BAHCC1: variants seen among roughly 807,000 people sequenced by gnomAD.
BAHCC1 encodes the protein BAH and coiled-coil domain-containing protein 1.
In BAHCC1, 43 loss-of-function variants were observed where a neutral mutation model predicts 88.2. The ratio of observed to expected loss-of-function variants is 0.49; its 90% CI spans 0.38 to 0.63. The LOEUF is 0.63. Among genes scored for constraint, BAHCC1 ranks in the 20% least tolerant of loss-of-function variants. The pLI is 0.00. For synonymous variants in BAHCC1, 1,510 were observed against 745.5 expected, an observed-to-expected ratio of 2.03 and a Z score of -16.71; for missense variants, 3,023 against 1,654.8, an observed-to-expected ratio of 1.83 and a Z score of -14.34.
rs1555652644 is a variant in BAHCC1, at chr17:81,442,076, G to A, written c.727G>A (p.Glu243Lys). ...GGGCAAGGAGCGGCCAGCGGCAGAGGAGGACGGTGGCAAGGAGCGGCACAA... is the reference window on the plus strand; with the variant it reads ...GGGCAAGGAGCGGCCAGCGGCAGAGAAGGACGGTGGCAAGGAGCGGCACAA... ...AEGKERPAAE[E>K]DGGKERHKLV... Residue 243 changes from glutamate (E) to lysine (K), a missense_variant, in exon 5 of 28, where the codon GAG becomes AAG. Transcript: ENST00000675386. 1 of 710,514 alleles carries A rather than the reference G, an allele frequency of 1.4e-6. No individual in the cohort carries two copies. Among genetic ancestry groups the A allele is most frequent in the South Asian group, 1.5e-5 (1 of 66,828 alleles). 44.0% of individuals were successfully genotyped at this position (710,514 alleles called of 1,614,324 possible).
At chr17:81,438,113 A>T (rs2064360762) in intron 3 of BAHCC1, among the ~76,000 whole-genome samples, 1 of 152,234 alleles carries the variant, frequency 6.6e-6, no homozygotes. Context: ...AGGAGGGAAC[A>T]GAGGCCCCCT....
rs782691340 is a variant in BAHCC1, at chr17:81,458,280, G to A, written c.5157G>A (p.Leu1719=). ...RAPGQRPPGA[L]GKKKAKGKAK... is the part of the protein sequence containing the mutation. ...CAGGGCAGAGGCCCCCAGGTGCGCTGGGCAAGAAGAAAGCCAAGGGCAAGG... is the reference window on the plus strand; with the variant it reads ...CAGGGCAGAGGCCCCCAGGTGCGCTAGGCAAGAAGAAAGCCAAGGGCAAGG... The change falls in exon 18 of 28, where the codon CTG becomes CTA. Residue 1719 remains leucine (L), a synonymous_variant. Coordinates refer to ENST00000675386, the MANE Select transcript of BAHCC1 (RefSeq NM_001377448.1). 6.7e-6 allele frequency: 5 copies of A among 749,048 alleles called. No homozygotes were observed. The highest frequency in any genetic ancestry group is 5.7e-5 in the South Asian group (4 of 70,038). 46.4% of individuals were successfully genotyped at this position (749,048 alleles called of 1,614,324 possible). A position where few individuals can be genotyped will look rare whatever the true frequency, so the allele number is the denominator to read the frequency against.
At chr17:81,396,377 C>T (rs1452686080) in intron 1 of BAHCC1, 3 of 152,070 alleles carry the variant, frequency 2.0e-5, no homozygotes, top group Admixed American at 6.5e-5. Context: ...GGACGGCGCG[C>T]GGGGCTCGGG....
intron 2 of BAHCC1, among the ~76,000 whole-genome samples, chr17:81,420,166 AC>A (rs1266870644): frequency 6.6e-6 from 1 of 151,974 alleles, no homozygotes; most frequent in Non-Finnish European, 1.5e-5. Flanking sequence ...CATGCTCTGT[AC>A]CCCTCAGGCT....
chr17:81,443,988 G>A (rs540152693), intron 6 of BAHCC1, 71 bp downstream of exon 6: 22 of 689,516 alleles, frequency 3.2e-5, no homozygotes, highest in Non-Finnish European at 5.6e-5. Context: ...TCAGAGCCAC[G>A]TGGAGAAAGA....
chr17:81,460,527 C>T lies in BAHCC1; in HGVS notation c.6026-3C>T, dbSNP rs2030156105. 1.3e-6 allele frequency: 1 copy of T among 744,316 alleles called. No homozygotes were observed. Among genetic ancestry groups the T allele is most frequent in the South Asian group, 1.5e-5 (1 of 68,716 alleles). The allele number at this position is 744,316 out of a possible 1,614,324, so 46.1% of individuals were successfully genotyped here. A position where few individuals can be genotyped will look rare whatever the true frequency, so the allele number is the denominator to read the frequency against. On this transcript the variant is annotated splice_region_variant and splice_polypyrimidine_tract_variant and intron_variant, in intron 24 of 27. Coordinates refer to ENST00000675386, the MANE Select transcript of BAHCC1 (RefSeq NM_001377448.1). ...TGAAGCCCTTGGCCCATGCTATCCA[C>T]AGGCACAGAGCCCTCTCCAGCCCTG...
chr17:81,442,582 C>T lies in BAHCC1; in HGVS notation c.1233C>T (p.Ala411=), dbSNP rs782120544. ...LADKGRPFQA[A]EACAVAGEGK... is the part of the protein sequence containing the mutation. ...ACAAGGGCCGCCCCTTCCAGGCCGC[C>T]GAGGCCTGTGCCGTGGCAGGGGAGG... Residue 411 remains alanine, a synonymous_variant, in exon 5 of 28, where the codon GCC becomes GCT. Transcript: ENST00000675386. The T allele has an allele frequency of 1.3e-5, 10 of 769,882 alleles. No homozygotes were observed. The highest frequency in any genetic ancestry group is 1.2e-4 in the East Asian group (5 of 41,026). 47.7% of individuals were successfully genotyped at this position (769,882 alleles called of 1,614,324 possible). A position where few individuals can be genotyped will look rare whatever the true frequency, so the allele number is the denominator to read the frequency against.
At chr17:81,433,385 G>C (rs2064292011) in intron 3 of BAHCC1, among the ~76,000 whole-genome samples, 1 of 152,180 alleles carries the variant, frequency 6.6e-6, no homozygotes, top group African/African-American at 2.4e-5. Flanking sequence ...TCCGGCCCTA[G>C]AGTGGGAGTG....
chr17:81,440,511 T>C (rs180981148), intron 4 of BAHCC1, among the ~76,000 whole-genome samples: 4 of 152,330 alleles, frequency 2.6e-5, no homozygotes, highest in Admixed American at 2.6e-4. Flanking sequence ...AATGTTTCTT[T>C]TGTTTCTCCC....
chr17:81,443,120 G>A lies in BAHCC1; in HGVS notation c.1771G>A (p.Gly591Ser), dbSNP rs782153136. 3.9e-5 allele frequency: 30 copies of A among 777,814 alleles called. No homozygotes were observed. The East Asian group carries it at 7.0e-4, about 18-fold the overall frequency. The allele number at this position is 777,814 out of a possible 1,614,324, so 48.2% of individuals were successfully genotyped here. The part of the protein sequence containing the change: ...LPPWGVQAGQ[G>S]TAMAISEERK... ...CCCATGGGGTGTCCAGGCAGGCCAG[G>A]GCACCGCCATGGCCATCAGCGAGGA... Residue 591 changes from glycine (G) to serine (S), a missense_variant, in exon 5 of 28, where the codon GGC becomes AGC. By Grantham distance (56) the Gly-to-Ser change is moderately conservative. Transcript: ENST00000675386.
rs1032176005 is a variant in BAHCC1, at chr17:81,445,032, G to C, written c.2689G>C (p.Ala897Pro). ...PHALADVMDQ[A>P]SLWPPMYGGR... ...GCCCACAGCGGATGTCATGGACCAGGCGTCACTGTGGCCCCCCATGTACGG... is the reference window on the plus strand; with the variant it reads ...GCCCACAGCGGATGTCATGGACCAGCCGTCACTGTGGCCCCCCATGTACGG... The change falls in exon 9 of 28, where the codon GCG (alanine) becomes CCG (proline). Residue 897 changes from alanine to proline, a missense_variant. Physicochemically the swap from Ala to Pro is conservative, Grantham distance 27. Transcript: ENST00000675386. 8 of 764,416 alleles carry C rather than the reference G, an allele frequency of 1.0e-5. No individual in the cohort carries two copies. The highest frequency in any genetic ancestry group is 2.4e-6 in the Non-Finnish European group (1 of 412,846). 47.4% of individuals were successfully genotyped at this position (764,416 alleles called of 1,614,324 possible). A position where few individuals can be genotyped will look rare whatever the true frequency, so the allele number is the denominator to read the frequency against.
In BAHCC1 at chr17:81,463,787, G is replaced by C. The variant is rs1555660123; in HGVS notation, c.7797G>C (p.Val2599=). The C allele has an allele frequency of 4.0e-6, 3 of 754,300 alleles. No homozygotes were observed. In the African/African-American group the frequency reaches 5.1e-5, roughly 13 times the overall value. The allele number at this position is 754,300 out of a possible 1,614,324, so 46.7% of individuals were successfully genotyped here. A position where few individuals can be genotyped will look rare whatever the true frequency, so the allele number is the denominator to read the frequency against. ...ACGACCCCACCACCGGGCGCCTGGTGACGGCTGATGGCGTGCCCATCCTAT... is the reference window on the plus strand; with the variant it reads ...ACGACCCCACCACCGGGCGCCTGGTCACGGCTGATGGCGTGCCCATCCTAT... The part of the protein sequence containing the change: ...GTYDPTTGRL[V]TADGVPILC The change falls in exon 28 of 28, where the codon GTG becomes GTC. Residue 2599 remains valine, a synonymous_variant. Transcript: ENST00000675386.
intron 2 of BAHCC1, among the ~76,000 whole-genome samples, chr17:81,418,788 C>CATGTGTGCGTGTGT (rs2064070102): frequency 2.3e-4 from 1 of 4,270 alleles, no homozygotes; most frequent in Non-Finnish European, 7.2e-4. Flanking sequence ...TGTGTGTGTA[C>CATGTGTGCGTGTGT]GTGTGTGCGT....
chr17:81,456,228 C>T lies in BAHCC1; in HGVS notation c.4570-69C>T, dbSNP rs1422271780. ...TGAGCCGGGCATCAACAGAGAGGCACCTAACCGCCCAGGGGCTGTGGTTTG... is the reference window on the plus strand; with the variant it reads ...TGAGCCGGGCATCAACAGAGAGGCATCTAACCGCCCAGGGGCTGTGGTTTG... On this transcript the variant is annotated intron_variant, in intron 15 of 27. Coordinates refer to ENST00000675386, the MANE Select transcript of BAHCC1 (RefSeq NM_001377448.1). 4.5e-6 allele frequency: 3 copies of T among 672,412 alleles called. No homozygotes were observed. The East Asian group carries it at 8.2e-5, about 18-fold the overall frequency. The allele number at this position is 672,412 out of a possible 1,614,324, so 41.7% of individuals were successfully genotyped here.
chr17:81,442,085 G>A lies in BAHCC1; in HGVS notation c.736G>A (p.Gly246Ser). The A allele has an allele frequency of 1.4e-6, 1 of 705,502 alleles. No homozygotes were observed. The highest frequency in any genetic ancestry group is 2.6e-5 in the East Asian group (1 of 38,836). 43.7% of individuals were successfully genotyped at this position (705,502 alleles called of 1,614,324 possible). A position where few individuals can be genotyped will look rare whatever the true frequency, so the allele number is the denominator to read the frequency against. ...KERPAAEEDG[G>S]KERHKLVLPV... ...GCGGCCAGCGGCAGAGGAGGACGGT[G>A]GCAAGGAGCGGCACAAGCTGGTGCT... The change falls in exon 5 of 28, where the codon GGC becomes AGC. Residue 246 changes from glycine (G) to serine (S), a missense_variant. By Grantham distance (56) the Gly-to-Ser change is moderately conservative. Coordinates refer to ENST00000675386, the MANE Select transcript of BAHCC1 (RefSeq NM_001377448.1).
chr17:81,445,694 G>C lies in BAHCC1; in HGVS notation c.3163+13G>C. The C allele has an allele frequency of 1.4e-6, 1 of 719,692 alleles. No homozygotes were observed. Among genetic ancestry groups the C allele is most frequent in the Non-Finnish European group, 2.6e-6 (1 of 386,830 alleles). 44.6% of individuals were successfully genotyped at this position (719,692 alleles called of 1,614,324 possible). A position where few individuals can be genotyped will look rare whatever the true frequency, so the allele number is the denominator to read the frequency against. On this transcript the variant is annotated intron_variant, in intron 10 of 27. Coordinates refer to ENST00000675386, the MANE Select transcript of BAHCC1 (RefSeq NM_001377448.1). ...ACATCCGAACCAGGTGAGAGTAGCC[G>C]CCTGGCCCGGCCCACTGTGCTCCGC...
chr17:81,451,540 C>T, intron 11 of BAHCC1, 128 bp from the exon 12 acceptor site: 3 of 609,394 alleles, frequency 4.9e-6, no homozygotes, highest in Non-Finnish European at 8.9e-6. Flanking sequence ...CTCACTCTTC[C>T]CGGTCTCCTG....
Position 81,399,962 on chromosome 17 carries a change from G to A in BAHCC1, c.178+45G>A, listed in dbSNP as rs1207072291. ...GGGCGCGGGACGGGAGCGTTCGAGA[G>A]CGGAACAGGGCGCCCACCCCTCCGC... is the stretch of plus-strand genomic sequence containing the variant. On this transcript the variant is annotated intron_variant, in intron 2 of 27. Coordinates refer to ENST00000675386, the MANE Select transcript of BAHCC1 (RefSeq NM_001377448.1). The surrounding 1 kb of genome is among the most constrained non-coding windows in gnomAD (Gnocchi z 4.5). 7.8e-6 allele frequency: 10 copies of A among 1,274,750 alleles called. No homozygotes were observed. The East Asian group carries it at 2.9e-4, about 37-fold the overall frequency. The allele number at this position is 1,274,750 out of a possible 1,614,324, so 79.0% of individuals were successfully genotyped here. A position where few individuals can be genotyped will look rare whatever the true frequency, so the allele number is the denominator to read the frequency against.
At chr17:81,410,481 G>T (rs1555647675) in intron 2 of BAHCC1, among the ~76,000 whole-genome samples, 22 of 152,244 alleles carry the variant, frequency 1.4e-4, no homozygotes. Flanking sequence ...CTGTGCAGGG[G>T]CTTGCATGGT....
Sources: allele counts gnomAD v4.1 joint callset (sites outside exome capture counted in the v4.1 genomes callset), GRCh38; gene constraint gnomAD v4.1.1; non-coding constraint Gnocchi (gnomAD v3.1); transcripts MANE v1.5; gene names NCBI Gene and HGNC (gene_info 2026-07-23, HGNC 2026-07-21).